Variants in NARS2 observed in about 807,000 individuals in gnomAD.
The protein encoded by NARS2 is asparaginyl-tRNA synthetase 2, mitochondrial.
Under a neutral mutation model 62.9 loss-of-function variants are expected in NARS2, and 60 were observed. The ratio of observed to expected loss-of-function variants is 0.95; its 90% CI spans 0.77 to 1.18. NARS2 has a LOEUF of 1.18. Ranked by LOEUF, NARS2 falls within the 50% of genes most tolerant of loss-of-function variation. The pLI is 0.00. For missense variants in NARS2, 619 were observed against 576.4 expected, an observed-to-expected ratio of 1.07 and a Z score of -0.76; for synonymous variants, 196 against 200.0, an observed-to-expected ratio of 0.98 and a Z score of 0.17.
At chr11:78,463,491 G>A (rs188074949) in intron 11 of NARS2, among the ~76,000 whole-genome samples, 85 of 152,232 alleles carry the variant, frequency 5.6e-4, no homozygotes, top group African/African-American at 2.0e-3. Flanking sequence ...TTAAAGACCA[G>A]CCTGGCCAAC....
In NARS2 at chr11:78,464,042, G is replaced by A. The variant is rs182270693; in HGVS notation, c.1164+1834C>T. On this transcript the variant is annotated intron_variant, in intron 11 of 13. Transcript: ENST00000281038. ...GAGTGTTACAGTTCTTAAAGGCGGC[G>A]CGTCCGGAGTTTGTTCCTTCTGATG... 8.8e-4 allele frequency among the ~76,000 whole-genome samples: 134 copies of A among 152,266 alleles called. 1 individual carries two copies. In the East Asian group the frequency reaches 0.012, roughly 14 times the overall value.
At chr11:78,515,884 G>T (rs1860892052) in intron 6 of NARS2, among the ~76,000 whole-genome samples, 2 of 152,024 alleles carry the variant, frequency 1.3e-5, no homozygotes, top group African/African-American at 4.8e-5. Flanking sequence ...CAATAAAGTT[G>T]TTCTTTAAAA....
At chr11:78,443,911 CCT>C in intron 11 of NARS2, 153 bp from the exon 12 acceptor site, 1 of 582,420 alleles carries the variant, frequency 1.7e-6, no homozygotes, top group Non-Finnish European at 3.1e-6. Context: ...TGGACAATTT[CCT>C]CTCTCTTGCA....
At chr11:78,511,721 G>GA (rs34758500) in intron 6 of NARS2, among the ~76,000 whole-genome samples, 12 of 141,816 alleles carry the variant, frequency 8.5e-5, no homozygotes, top group East Asian at 6.4e-4. Flanking sequence ...CGTCTCCAAA[G>GA]AAAAAAAAAA....
intron 6 of NARS2, among the ~76,000 whole-genome samples, chr11:78,498,842 C>CAT (rs142406823): frequency 1.0e-4 from 15 of 147,446 alleles, no homozygotes; most frequent in Admixed American, 1.4e-4. Flanking sequence ...CGACTATATA[C>CAT]ATATATATAT....
intron 11 of NARS2, among the ~76,000 whole-genome samples, chr11:78,447,494 G>C (rs1438886109): frequency 6.6e-6 from 1 of 151,950 alleles, no homozygotes; most frequent in Non-Finnish European, 1.5e-5. Flanking sequence ...CCCACTTCTG[G>C]GTATATATAT....
chr11:78,514,697 G>C (rs1385537653), intron 6 of NARS2, among the ~76,000 whole-genome samples: 1 of 152,134 alleles, frequency 6.6e-6, no homozygotes, highest in Non-Finnish European at 1.5e-5. Flanking sequence ...ACTTGAAATG[G>C]AGAAAAGGCA....
chr11:78,546,847 C>T (rs538707746), intron 5 of NARS2, among the ~76,000 whole-genome samples: 1 of 152,350 alleles, frequency 6.6e-6, no homozygotes, highest in African/African-American at 2.4e-5. Flanking sequence ...GTGGACATCT[C>T]TGATCACTCC....
chr11:78,464,199 G>T (rs1858516368), intron 11 of NARS2, among the ~76,000 whole-genome samples: 1 of 151,930 alleles, frequency 6.6e-6, no homozygotes, highest in African/African-American at 2.4e-5. Context: ...CATTCCTCCC[G>T]GTGGGCTCGT....
intron 11 of NARS2, among the ~76,000 whole-genome samples, chr11:78,448,886 T>C (rs1035121844): frequency 6.6e-6 from 1 of 152,192 alleles, no homozygotes; most frequent in African/African-American, 2.4e-5. Flanking sequence ...TCTGGGTATC[T>C]TTGCATGCAG....
intron 6 of NARS2, among the ~76,000 whole-genome samples, chr11:78,506,245 C>T (rs753763368): frequency 1.3e-5 from 2 of 152,166 alleles, no homozygotes. Context: ...CCACTGCTAG[C>T]GGGCATGTAA....
intron 4 of NARS2, among the ~76,000 whole-genome samples, chr11:78,561,231 T>C (rs1271948546): frequency 1.3e-5 from 2 of 151,934 alleles, no homozygotes; most frequent in Non-Finnish European, 2.9e-5. Context: ...CGTTACCAAA[T>C]GCTAATAAAG....
chr11:78,560,792 G>T (rs958650360), intron 4 of NARS2, among the ~76,000 whole-genome samples: 1 of 152,188 alleles, frequency 6.6e-6, no homozygotes, highest in Non-Finnish European at 1.5e-5. Context: ...ATGCCCAGAG[G>T]TGCTGCACAG....
At chr11:78,540,485 A>G (rs993670017) in intron 5 of NARS2, among the ~76,000 whole-genome samples, 1 of 78,968 alleles carries the variant, frequency 1.3e-5, no homozygotes, top group Non-Finnish European at 4.4e-5. Context: ...ACAATGGAAA[A>G]CTTATTTGAC....
chr11:78,508,354 C>T (rs116122970), intron 6 of NARS2, among the ~76,000 whole-genome samples: 2,167 of 152,094 alleles, frequency 0.014, 45 homozygotes, highest in African/African-American at 0.049. Context: ...TTTGGGAAGC[C>T]GAGGCGGGCA....
intron 6 of NARS2, among the ~76,000 whole-genome samples, chr11:78,503,538 T>C (rs987056872): frequency 6.6e-6 from 1 of 152,226 alleles, no homozygotes; most frequent in African/African-American, 2.4e-5. Flanking sequence ...ATGCCCAGCC[T>C]GATCTAGCTC....
intron 13 of NARS2, among the ~76,000 whole-genome samples, chr11:78,437,878 G>A (rs1377049574): frequency 6.6e-6 from 1 of 151,520 alleles, no homozygotes; most frequent in Non-Finnish European, 1.5e-5. Flanking sequence ...AGGAGGCTGA[G>A]GCAGAGGAGT....
At chr11:78,554,315 A>G (rs1241322653) in intron 5 of NARS2, among the ~76,000 whole-genome samples, 1 of 152,142 alleles carries the variant, frequency 6.6e-6, no homozygotes, top group African/African-American at 2.4e-5. Flanking sequence ...TGATAGTTTG[A>G]TATGAACAAC....
chr11:78,554,013 T>C (rs1218758592), intron 5 of NARS2, among the ~76,000 whole-genome samples: 1 of 152,246 alleles, frequency 6.6e-6, no homozygotes, highest in Non-Finnish European at 1.5e-5. Flanking sequence ...TCCTCATTGC[T>C]TGTTTTTGTC....
Sources: allele counts gnomAD v4.1 joint callset (sites outside exome capture counted in the v4.1 genomes callset), GRCh38; gene constraint gnomAD v4.1.1; transcripts MANE v1.5; gene names NCBI Gene and HGNC (gene_info 2026-07-23, HGNC 2026-07-21).